Variants in REC114 observed in about 807,000 individuals in gnomAD.
REC114 encodes meiotic recombination protein REC114.
In REC114, 27 loss-of-function variants were observed where a neutral mutation model predicts 31.3. The observed-to-expected ratio is 0.86, with a 90% confidence interval of 0.64 to 1.19. The LOEUF (loss-of-function observed/expected upper bound fraction) is 1.19. REC114 is among the 50% of genes most tolerant of loss of function. REC114 has a pLI of 0.00. For missense variants in REC114, 344 were observed against 326.9 expected, an observed-to-expected ratio of 1.05 and a Z score of -0.40; for synonymous variants, 134 against 127.7, an observed-to-expected ratio of 1.05 and a Z score of -0.33.
At chr15:73,520,741 A>C (rs1015228763) in intron 2 of REC114, among the ~76,000 whole-genome samples, 1 of 152,220 alleles carries the variant, frequency 6.6e-6, no homozygotes, top group Non-Finnish European at 1.5e-5. Flanking sequence ...TCTTTTAAAT[A>C]GTCCATTTGT....
intron 2 of REC114, among the ~76,000 whole-genome samples, chr15:73,495,282 G>A (rs1893503395): frequency 6.6e-6 from 1 of 151,828 alleles, no homozygotes; most frequent in Admixed American, 6.6e-5. Flanking sequence ...GCCAGATTGT[G>A]TAGACTGTCT....
chr15:73,511,089 G>A (rs945104167), intron 2 of REC114, among the ~76,000 whole-genome samples: 2 of 151,554 alleles, frequency 1.3e-5, no homozygotes, highest in African/African-American at 4.8e-5. Flanking sequence ...CTTTTTGGTT[G>A]GTAAACTATT....
intron 2 of REC114, among the ~76,000 whole-genome samples, chr15:73,482,428 G>A (rs1893308312): frequency 6.6e-6 from 1 of 152,116 alleles, no homozygotes; most frequent in African/African-American, 2.4e-5. Context: ...GCCATGATTG[G>A]GAGCTTCCGA....
intron 1 of REC114, among the ~76,000 whole-genome samples, chr15:73,449,688 T>C (rs1209517320): frequency 2.0e-5 from 3 of 152,016 alleles, no homozygotes; most frequent in African/African-American, 7.3e-5. Context: ...CTAAGACATA[T>C]AATCGTCAGA....
intron 4 of REC114, 27 bp from the exon 5 acceptor site, chr15:73,556,275 T>C (rs961404961): frequency 1.3e-5 from 20 of 1,585,930 alleles, no homozygotes; most frequent in Non-Finnish European, 1.5e-5. Context: ...TCAGCTAGTC[T>C]CCTTATTGCA....
intron 2 of REC114, among the ~76,000 whole-genome samples, chr15:73,488,761 T>G (rs1893407124): frequency 6.6e-6 from 1 of 152,244 alleles, no homozygotes; most frequent in East Asian, 1.9e-4. Context: ...GCTTTCTTTA[T>G]AGCCGTCCTC....
rs146545072 is a variant in REC114 at position 73,516,416 on chromosome 15, A to G, written c.250-24069A>G. ...GAACTTTTATGATCTTCAAAAGTCT[A>G]GAACAAGAGAAACAAATTTCACACA... is the stretch of plus-strand genomic sequence containing the variant. On this transcript the variant is annotated intron_variant, in intron 2 of 5. Transcript: ENST00000331090. Among the ~76,000 whole-genome samples, 1,407 of 152,300 alleles carry G rather than the reference A, an allele frequency of 9.2e-3. 9 individuals are homozygous for G. The highest frequency in any genetic ancestry group is 0.023 in the South Asian group (112 of 4,806).
chr15:73,464,786 T>C (rs1450461847), intron 1 of REC114, among the ~76,000 whole-genome samples: 5 of 152,238 alleles, frequency 3.3e-5, no homozygotes, highest in African/African-American at 7.2e-5. Flanking sequence ...CCTTGCTTAG[T>C]ACCTCCTTTC....
At chr15:73,469,945 A>C (rs1369428266) in intron 1 of REC114, among the ~76,000 whole-genome samples, 1 of 151,710 alleles carries the variant, frequency 6.6e-6, no homozygotes, top group Non-Finnish European at 1.5e-5. Flanking sequence ...GCCTGGCCTT[A>C]CTCTAGCTTT....
chr15:73,526,559 C>T (rs180871794), intron 2 of REC114, among the ~76,000 whole-genome samples: 46 of 152,220 alleles, frequency 3.0e-4, no homozygotes, highest in Admixed American at 1.3e-4. Context: ...ATGCTGCTTC[C>T]TGTGTAATGT....
chr15:73,542,958 T>A (rs1894259679), intron 3 of REC114, among the ~76,000 whole-genome samples: 2 of 149,290 alleles, frequency 1.3e-5, no homozygotes, highest in African/African-American at 5.0e-5. Context: ...TTTTTTTTTT[T>A]TTTTATATAA....
chr15:73,462,111 T>C (rs1892998088), intron 1 of REC114, among the ~76,000 whole-genome samples: 2 of 151,696 alleles, frequency 1.3e-5, no homozygotes, highest in African/African-American at 2.4e-5. Context: ...TTTGTATTTT[T>C]TGTAGAGATG....
intron 5 of REC114, among the ~76,000 whole-genome samples, chr15:73,556,692 C>CA (rs1566951250): frequency 6.6e-6 from 1 of 151,722 alleles, no homozygotes; most frequent in African/African-American, 2.4e-5. Flanking sequence ...ACCACTTTCC[C>CA]AAAAAAGAAT....
chr15:73,486,856 G>A (rs544168837), intron 2 of REC114, among the ~76,000 whole-genome samples: 7 of 152,212 alleles, frequency 4.6e-5, no homozygotes, highest in African/African-American at 1.7e-4. Context: ...GACCAACATG[G>A]AGAAACCCCA....
intron 2 of REC114, among the ~76,000 whole-genome samples, chr15:73,502,139 A>T (rs1481759014): frequency 8.1e-6 from 1 of 124,184 alleles, no homozygotes; most frequent in African/African-American, 3.0e-5. Flanking sequence ...TGGGCAACAG[A>T]GCAAGACCTT....
At chr15:73,530,790 T>G (rs1894069044) in intron 2 of REC114, among the ~76,000 whole-genome samples, 1 of 151,930 alleles carries the variant, frequency 6.6e-6, no homozygotes, top group Non-Finnish European at 1.5e-5. Flanking sequence ...CCTCACAAAC[T>G]GAGCTCCAGG....
chr15:73,545,365 G>A lies in REC114; in HGVS notation c.333+4797G>A, dbSNP rs538111003. On this transcript the variant is annotated intron_variant, in intron 3 of 5. Transcript: ENST00000331090. ...AAGCTCTTTCTGACTTTTAATTATGGCATAAAAATAAATCTCATCAAGACT... is the reference window on the plus strand; with the variant it reads ...AAGCTCTTTCTGACTTTTAATTATGACATAAAAATAAATCTCATCAAGACT... 2.6e-5 allele frequency among the ~76,000 whole-genome samples: 4 copies of A among 152,206 alleles called. 1 individual carries two copies. The South Asian group carries it at 8.3e-4, about 32-fold the overall frequency.
intron 2 of REC114, among the ~76,000 whole-genome samples, chr15:73,508,430 T>C (rs1893713801): frequency 6.6e-6 from 1 of 151,598 alleles, no homozygotes; most frequent in Admixed American, 6.6e-5. Context: ...TTTCTTTTTT[T>C]TTTTTTCTTT....
intron 2 of REC114, among the ~76,000 whole-genome samples, chr15:73,513,316 C>A (rs1279123007): frequency 1.3e-5 from 2 of 151,780 alleles, no homozygotes; most frequent in African/African-American, 4.8e-5. Flanking sequence ...AAGCACTTCT[C>A]TGTATTGGTT....
Sources: gnomAD v4.1 joint callset for allele counts (sites outside exome capture counted in the v4.1 genomes callset) on GRCh38, gnomAD v4.1.1 for gene constraint, MANE v1.5 for transcripts, NCBI Gene and HGNC (gene_info 2026-07-23, HGNC 2026-07-21) for gene names.